Variants in AP2B1 observed in about 807,000 individuals in gnomAD.
The protein encoded by AP2B1 is adaptor related protein complex 2 subunit beta 1.
In AP2B1, 23 loss-of-function variants were observed where a neutral mutation model predicts 102.0. The ratio of observed to expected loss-of-function variants is 0.23; its 90% CI spans 0.16 to 0.32. The LOEUF (loss-of-function observed/expected upper bound fraction) is 0.32, where lower values mean the gene tolerates loss of function less well. Among genes scored for constraint, AP2B1 ranks in the 10% least tolerant of loss-of-function variants. The pLI is 1.00. For synonymous variants in AP2B1, 381 were observed against 421.2 expected, an observed-to-expected ratio of 0.90 and a Z score of 1.17; for missense variants, 541 against 1,157.4, an observed-to-expected ratio of 0.47 and a Z score of 7.73.
intron 10 of AP2B1, among the ~76,000 whole-genome samples, chr17:35,638,167 T>C (rs2074663904): frequency 6.6e-6 from 1 of 152,192 alleles, no homozygotes; most frequent in Non-Finnish European, 1.5e-5. Context: ...TGAAGATGTG[T>C]ATCTGAATGT....
intron 1 of AP2B1, among the ~76,000 whole-genome samples, chr17:35,592,594 G>T (rs1328572028): frequency 6.6e-6 from 1 of 152,144 alleles, no homozygotes; most frequent in African/African-American, 2.4e-5. Flanking sequence ...CCAGGCTGGA[G>T]TGCAGTGGCG....
intron 5 of AP2B1, among the ~76,000 whole-genome samples, chr17:35,609,481 G>A (rs2073791938): frequency 6.6e-6 from 1 of 152,032 alleles, no homozygotes; most frequent in Non-Finnish European, 1.5e-5. Flanking sequence ...TGAGTAGCTG[G>A]GACTACAGGC....
At chr17:35,700,923 A>G (rs587650899) in intron 18 of AP2B1, among the ~76,000 whole-genome samples, 1 of 152,342 alleles carries the variant, frequency 6.6e-6, no homozygotes, top group African/African-American at 2.4e-5. Context: ...TGATGTCCCT[A>G]AAAAGCAAGT....
intron 12 of AP2B1, among the ~76,000 whole-genome samples, chr17:35,649,933 T>C (rs1057226274): frequency 1.3e-5 from 2 of 151,932 alleles, no homozygotes; most frequent in Non-Finnish European, 2.9e-5. Context: ...CCCGCCCTGA[T>C]AATTTTTGTA....
At chr17:35,603,522 C>G (rs1266616387) in intron 3 of AP2B1, among the ~76,000 whole-genome samples, 1 of 152,118 alleles carries the variant, frequency 6.6e-6, no homozygotes, top group Non-Finnish European at 1.5e-5. Flanking sequence ...TATTTGATTA[C>G]TCTCAAATTT....
intron 6 of AP2B1, among the ~76,000 whole-genome samples, chr17:35,626,393 A>C (rs2074316652): frequency 6.6e-6 from 1 of 152,000 alleles, no homozygotes; most frequent in Admixed American, 6.6e-5. Flanking sequence ...ATCCCTTATT[A>C]CTGGTTTCCT....
intron 3 of AP2B1, among the ~76,000 whole-genome samples, 200 bp downstream of exon 3, chr17:35,598,535 G>T (rs2073368633): frequency 1.3e-5 from 2 of 152,202 alleles, no homozygotes; most frequent in South Asian, 4.1e-4. Context: ...TGGGGTGTGT[G>T]TGTGTTTGTG....
intron 5 of AP2B1, among the ~76,000 whole-genome samples, chr17:35,609,236 G>A (rs1383212396): frequency 3.3e-5 from 5 of 152,044 alleles, no homozygotes; most frequent in Non-Finnish European, 5.9e-5. Context: ...CCAAGCTGGA[G>A]TGCAGTGGTG....
At chr17:35,639,082 C>G (rs945390580) in intron 10 of AP2B1, among the ~76,000 whole-genome samples, 1 of 152,142 alleles carries the variant, frequency 6.6e-6, no homozygotes, top group African/African-American at 2.4e-5. Context: ...GTAATTTCAT[C>G]ACTTTGGGAG....
chr17:35,608,390 A>G lies in AP2B1; in HGVS notation c.525+3A>G. On this transcript the variant is annotated splice_donor_region_variant and intron_variant, in intron 5 of 21. Transcript: ENST00000610402. Reference sequence around the variant, plus strand: ...TCATAGCAGATTCAAATCCAATGGTAATAAGCTTCTGCTTTTACAAAGAGA... The same window carrying G: ...TCATAGCAGATTCAAATCCAATGGTGATAAGCTTCTGCTTTTACAAAGAGA... The G allele has an allele frequency of 6.2e-7, 1 of 1,613,968 alleles. No individual in the cohort carries two copies. Among genetic ancestry groups the G allele is most frequent in the Non-Finnish European group, 8.5e-7 (1 of 1,179,858 alleles).
intron 18 of AP2B1, 22 bp from the exon 19 acceptor site, chr17:35,709,202 G>C: frequency 2.5e-6 from 4 of 1,611,908 alleles, no homozygotes; most frequent in Non-Finnish European, 1.7e-6. Flanking sequence ...GTCCTCATTT[G>C]ACCTTGTTGC....
intron 2 of AP2B1, among the ~76,000 whole-genome samples, chr17:35,596,393 T>G (rs1179829555): frequency 6.6e-6 from 1 of 152,334 alleles, no homozygotes; most frequent in Non-Finnish European, 1.5e-5. Flanking sequence ...TTGGAACAAT[T>G]TTTTTGCCTT....
chr17:35,702,111 G>T (rs887777553), intron 18 of AP2B1, among the ~76,000 whole-genome samples: 4 of 152,178 alleles, frequency 2.6e-5, no homozygotes, highest in African/African-American at 9.7e-5. Context: ...TACCACAAGT[G>T]GGGTATGTGG....
intron 17 of AP2B1, among the ~76,000 whole-genome samples, chr17:35,675,949 A>G (rs1368203678): frequency 3.3e-5 from 5 of 152,194 alleles, no homozygotes; most frequent in African/African-American, 4.8e-5. Flanking sequence ...ATAAGGTCCC[A>G]TACATTGCAA....
Position 35,709,266 on chromosome 17 carries a change from C to T in AP2B1, c.2497C>T (p.Leu833Phe). The T allele has an allele frequency of 9.3e-6, 15 of 1,614,126 alleles. No homozygotes were observed. The highest frequency in any genetic ancestry group is 1.3e-5 in the Non-Finnish European group (15 of 1,180,018). ...NNIDVFYFSC[L>F]IPLNVLFVED... ...TATCGATGTCTTCTACTTCAGCTGC[C>T]TCATCCCACTCAATGTGCTTTTTGT... Residue 833 changes from leucine to phenylalanine, a missense_variant, in exon 19 of 22, where the codon CTC (leucine) becomes TTC (phenylalanine). Around this residue, in one of 10 missense-constraint regions of AP2B1, gnomAD observed 117 missense variants for 206.7 expected, o/e 0.57. Coordinates refer to ENST00000610402, the MANE Select transcript of AP2B1 (RefSeq NM_001030006.2).
intron 13 of AP2B1, among the ~76,000 whole-genome samples, chr17:35,656,338 A>G (rs1358856603): frequency 1.3e-5 from 2 of 152,222 alleles, no homozygotes; most frequent in Non-Finnish European, 2.9e-5. Context: ...TGAAAAGATC[A>G]TCGTTTGTCC....
intron 21 of AP2B1, among the ~76,000 whole-genome samples, chr17:35,717,844 C>T (rs1198656061): frequency 1.3e-5 from 2 of 152,140 alleles, no homozygotes; most frequent in African/African-American, 4.8e-5. Context: ...TGGAACACAC[C>T]TTTGGAAGCG....
chr17:35,666,659 C>T (rs7212232), intron 14 of AP2B1, among the ~76,000 whole-genome samples: 2 of 152,150 alleles, frequency 1.3e-5, no homozygotes, highest in Non-Finnish European at 2.9e-5. Context: ...AACACAGTAT[C>T]TAGACATTTA....
At position 35,720,571 on chromosome 17, in the gene AP2B1, A is replaced by ATTT. The variant is rs1164042261; in HGVS notation, c.2782-3053_2782-3052insTTT. Among the ~76,000 whole-genome samples, 168 of 44,170 alleles carry ATTT rather than the reference A, an allele frequency of 3.8e-3. 6 individuals are homozygous for ATTT. The highest frequency in any genetic ancestry group is 5.2e-3 in the Non-Finnish European group (133 of 25,474). The allele number at this position is 44,170 out of a possible 152,430, so 29.0% of individuals were successfully genotyped here. On this transcript the variant is annotated intron_variant, in intron 21 of 21. Coordinates refer to ENST00000610402, the MANE Select transcript of AP2B1 (RefSeq NM_001030006.2). ...TATATATATATATATATATATATATATATTTTTTTTTTTTTTTTTTTTTTT... is the reference window on the plus strand; with the variant it reads ...TATATATATATATATATATATATATATTTTATTTTTTTTTTTTTTTTTTTTTTT...
Sources: allele counts gnomAD v4.1 joint callset (sites outside exome capture counted in the v4.1 genomes callset), GRCh38; gene constraint gnomAD v4.1.1; regional missense constraint gnomAD v4.1.1; transcripts MANE v1.5; gene names NCBI Gene and HGNC (gene_info 2026-07-23, HGNC 2026-07-21).